Variants in TAF2 observed in about 807,000 individuals in gnomAD.
TAF2 encodes transcription initiation factor TFIID subunit 2.
In TAF2, 61 loss-of-function variants were observed where a neutral mutation model predicts 138.5. The ratio of observed to expected loss-of-function variants is 0.44; its 90% CI spans 0.36 to 0.54. The LOEUF is 0.54. Among genes scored for constraint, TAF2 ranks in the 20% least tolerant of loss-of-function variants. The probability of loss-of-function intolerance (pLI) is 0.00; values close to 1 mark genes in which losing one functional copy is unlikely to be tolerated. For missense variants in TAF2, 1,090 were observed against 1,427.9 expected, an observed-to-expected ratio of 0.76 and a Z score of 3.81; for synonymous variants, 475 against 469.9, an observed-to-expected ratio of 1.01 and a Z score of -0.14.
chr8:119,759,656 AC>A (rs1820928168), intron 20 of TAF2, among the ~76,000 whole-genome samples: 1 of 152,098 alleles, frequency 6.6e-6, no homozygotes, highest in Non-Finnish European at 1.5e-5. Context: ...ATTATTCATC[AC>A]TAGTTCTTTC....
At position 119,742,719 on chromosome 8, in the gene TAF2, A is replaced by G. The variant is rs897421857; in HGVS notation, c.3215-63T>C. 8 of 1,584,740 alleles carry G rather than the reference A, an allele frequency of 5.0e-6. No homozygotes were observed. The Admixed American group carries it at 1.2e-4, about 25-fold the overall frequency. ...TCTTTGTTTCCCAAAAGAAAAAAAA[A>G]GGCTGACAGGTTTTTATAAGCTAGC... On this transcript the variant is annotated intron_variant, in intron 24 of 25. Transcript: ENST00000378164.
At chr8:119,773,539 A>G (rs1371305910) in intron 18 of TAF2, among the ~76,000 whole-genome samples, 2 of 151,614 alleles carry the variant, frequency 1.3e-5, no homozygotes, top group Non-Finnish European at 2.9e-5. Flanking sequence ...CTGGATTTAT[A>G]GTAGGAGTTA....
At chr8:119,819,869 G>T (rs2634) in intron 2 of TAF2, among the ~76,000 whole-genome samples, 1 of 151,888 alleles carries the variant, frequency 6.6e-6, no homozygotes, top group Non-Finnish European at 1.5e-5. Context: ...AATCAGAAGG[G>T]TGATGAGTGA....
intron 11 of TAF2, among the ~76,000 whole-genome samples, chr8:119,790,482 A>G (rs1823344378): frequency 6.6e-6 from 1 of 152,090 alleles, no homozygotes. Context: ...AAGGACAGAA[A>G]GATTAAAGAA....
In TAF2 at chr8:119,760,755, G is replaced by A. The variant is rs747979873; in HGVS notation, c.2559-17C>T. 6.4e-5 allele frequency: 103 copies of A among 1,613,372 alleles called. No individual in the cohort carries two copies. Among genetic ancestry groups the A allele is most frequent in the African/African-American group, 2.7e-4 (20 of 74,888 alleles). ...CTCAAACAACTAGGGAAAAAAATACGTATGTTAACTACTTTCACTGAGGTA... is the reference window on the plus strand; with the variant it reads ...CTCAAACAACTAGGGAAAAAAATACATATGTTAACTACTTTCACTGAGGTA... On this transcript the variant is annotated splice_polypyrimidine_tract_variant and intron_variant, in intron 19 of 25. Coordinates refer to ENST00000378164, the MANE Select transcript of TAF2 (RefSeq NM_003184.4).
chr8:119,741,848 T>C (rs1819619103), intron 25 of TAF2, among the ~76,000 whole-genome samples: 1 of 152,244 alleles, frequency 6.6e-6, no homozygotes, highest in South Asian at 2.1e-4. Flanking sequence ...CCTTGAGAAT[T>C]TGAGGACTGA....
At chr8:119,797,160 T>C (rs1332811568) in intron 7 of TAF2, 57 bp from the exon 8 acceptor site, 1 of 1,215,166 alleles carries the variant, frequency 8.2e-7, no homozygotes, top group Non-Finnish European at 1.2e-6. Context: ...ACTTATTCAG[T>C]GAAAATAAAA....
At chr8:119,783,929 T>A (rs1822845752) in intron 15 of TAF2, among the ~76,000 whole-genome samples, 1 of 152,208 alleles carries the variant, frequency 6.6e-6, no homozygotes. Flanking sequence ...TCATTTCCCA[T>A]CTGAAATTAT....
At chr8:119,802,167 C>T in intron 5 of TAF2, 142 bp from the exon 6 acceptor site, 1 of 681,858 alleles carries the variant, frequency 1.5e-6, no homozygotes, top group East Asian at 2.7e-5. Flanking sequence ...TTTTACTGTA[C>T]AACCTGAAAA....
At chr8:119,746,603 G>T in intron 23 of TAF2, 102 bp downstream of exon 23, 1 of 1,213,622 alleles carries the variant, frequency 8.2e-7, no homozygotes, top group Non-Finnish European at 1.2e-6. Context: ...ACAAGAAACT[G>T]TGTTAGTGGC....
At chr8:119,763,378 T>C (rs978541181) in intron 18 of TAF2, among the ~76,000 whole-genome samples, 3 of 152,344 alleles carry the variant, frequency 2.0e-5, no homozygotes, top group East Asian at 3.9e-4. Context: ...CATGTGACTT[T>C]GGGTAAATCT....
chr8:119,808,151 T>C (rs1824792815), intron 3 of TAF2, among the ~76,000 whole-genome samples: 1 of 152,190 alleles, frequency 6.6e-6, no homozygotes, highest in Admixed American at 6.5e-5. Context: ...AGCACAGAGT[T>C]CTGGAAGTGA....
At position 119,762,610 on chromosome 8, in the gene TAF2, T is replaced by G; in HGVS notation, c.2365-2A>C. 1 of 1,610,754 alleles carries G rather than the reference T, an allele frequency of 6.2e-7. No individual in the cohort carries two copies. Among genetic ancestry groups the G allele is most frequent in the Non-Finnish European group, 8.5e-7 (1 of 1,178,446 alleles). The stretch of plus-strand genomic sequence containing the variant: ...TGCACGATAATAGTTATCTGAAAAC[T>G]AGGCCAAAGAAAAATTAAGTGAAGA... On this transcript the variant is annotated splice_acceptor_variant, in intron 18 of 25. Coordinates refer to ENST00000378164, the MANE Select transcript of TAF2 (RefSeq NM_003184.4). LOFTEE classifies it high-confidence loss of function.
chr8:119,829,754 C>T (rs1016991702), intron 2 of TAF2, among the ~76,000 whole-genome samples: 4 of 151,684 alleles, frequency 2.6e-5, no homozygotes, highest in Admixed American at 6.6e-5. Context: ...GAATGAAAGA[C>T]GTAAAAAGTG....
chr8:119,827,929 G>C (rs530011899), intron 2 of TAF2, among the ~76,000 whole-genome samples: 19 of 152,070 alleles, frequency 1.2e-4, no homozygotes, highest in Non-Finnish European at 2.4e-4. Context: ...ATTTTTAGTA[G>C]AGATAGGGTT....
chr8:119,744,176 G>C, intron 24 of TAF2, 112 bp downstream of exon 24: 2 of 1,017,626 alleles, frequency 2.0e-6, no homozygotes, highest in South Asian at 2.7e-5. Flanking sequence ...ATTTTAAGCT[G>C]GCTAATTTTA....
chr8:119,817,906 C>A (rs1348995116), intron 3 of TAF2, among the ~76,000 whole-genome samples: 1 of 152,172 alleles, frequency 6.6e-6, no homozygotes, highest in Non-Finnish European at 1.5e-5. Context: ...GAAAGGGATG[C>A]AGATAATTTT....
chr8:119,797,185 A>C lies in TAF2; in HGVS notation c.978-82T>G, dbSNP rs554499238. 13 of 1,029,306 alleles carry C rather than the reference A, an allele frequency of 1.3e-5. No homozygotes were observed. In the South Asian group the frequency reaches 1.7e-4, roughly 13 times the overall value. 63.8% of individuals were successfully genotyped at this position (1,029,306 alleles called of 1,614,324 possible). On this transcript the variant is annotated intron_variant, in intron 7 of 25. Coordinates refer to ENST00000378164, the MANE Select transcript of TAF2 (RefSeq NM_003184.4). The stretch of plus-strand genomic sequence containing the variant: ...TGAAAATAAAATAATTCCACTTTTA[A>C]AACAATGGAAGCTAAATAGAGAAAA...
At chr8:119,733,551 T>C (rs1250732978) in intron 25 of TAF2, among the ~76,000 whole-genome samples, 1 of 152,222 alleles carries the variant, frequency 6.6e-6, no homozygotes, top group East Asian at 1.9e-4. Context: ...TAGGAATCTA[T>C]AACAGTAGTT....
Sources: allele counts gnomAD v4.1 joint callset (sites outside exome capture counted in the v4.1 genomes callset), GRCh38; gene constraint gnomAD v4.1.1; transcripts MANE v1.5; gene names NCBI Gene and HGNC (gene_info 2026-07-23, HGNC 2026-07-21).